Variants in CSRP1 observed in about 807,000 individuals in gnomAD.
The protein encoded by CSRP1 is cysteine and glycine rich protein 1.
A neutral mutation model predicts 25.4 loss-of-function variants in CSRP1; 16 were observed. That is an observed-to-expected ratio of 0.63 (90% CI 0.43 to 0.96). CSRP1 has a LOEUF of 0.96. CSRP1 is among the 40% of genes least tolerant of loss of function. The probability of loss-of-function intolerance (pLI) is 0.00; values close to 1 mark genes in which losing one functional copy is unlikely to be tolerated. For synonymous variants in CSRP1, 97 were observed against 95.3 expected, an observed-to-expected ratio of 1.02 and a Z score of -0.10; for missense variants, 212 against 243.6, an observed-to-expected ratio of 0.87 and a Z score of 0.86.
chr1:201,501,740 C>T (rs905913137), intron 1 of CSRP1, among the ~76,000 whole-genome samples: 3 of 152,182 alleles, frequency 2.0e-5, no homozygotes, highest in Non-Finnish European at 4.4e-5. Context: ...CGCCTGTAAT[C>T]CTTGCACTTT....
At chr1:201,486,952 T>A in intron 4 of CSRP1, 2 of 1,287,324 alleles carry the variant, frequency 1.6e-6, no homozygotes, top group Non-Finnish European at 1.0e-6. Context: ...ATAATATTAA[T>A]GTCTCCTGTT....
At position 201,490,272 on chromosome 1, in the gene CSRP1, T is replaced by A; in HGVS notation, c.185A>T (p.Tyr62Phe). Residue 62 changes from tyrosine to phenylalanine, a missense_variant, in exon 3 of 6, where the codon TAC (tyrosine) becomes TTC (phenylalanine). Coordinates refer to ENST00000340006, the MANE Select transcript of CSRP1 (RefSeq NM_004078.3). ...HGEEIYCKSC[Y>F]GKKYGPKGYG... Reference sequence around the variant, plus strand: ...GCCTTTGGGCCCATACTTCTTGCCGTAGCAGGACTTGCAGTAAATCTCCTC... The same window carrying A: ...GCCTTTGGGCCCATACTTCTTGCCGAAGCAGGACTTGCAGTAAATCTCCTC... 1.2e-6 allele frequency: 2 copies of A among 1,614,156 alleles called. No individual in the cohort carries two copies. The highest frequency in any genetic ancestry group is 1.7e-6 in the Non-Finnish European group (2 of 1,180,018).
chr1:201,503,341 T>C (rs1000802074), intron 1 of CSRP1, among the ~76,000 whole-genome samples: 7 of 152,170 alleles, frequency 4.6e-5, no homozygotes, highest in Admixed American at 2.0e-4. Context: ...GTCTGAATGA[T>C]TTTTCTTTGA....
At chr1:201,489,887 G>A in intron 3 of CSRP1, 1 of 296,424 alleles carries the variant, frequency 3.4e-6, no homozygotes, top group Non-Finnish European at 6.3e-6. Context: ...AACAAAAAAA[G>A]AGGAAATTGG....
chr1:201,490,011 T>G, intron 3 of CSRP1, 165 bp downstream of exon 3: 1 of 644,690 alleles, frequency 1.6e-6, no homozygotes, highest in Non-Finnish European at 2.6e-6. Flanking sequence ...CCCCAGCTCC[T>G]GCAGCAGCCT....
In CSRP1 at chr1:201,499,079, C is replaced by G. The variant is rs375595099; in HGVS notation, c.-1-2775G>C. Reference sequence around the variant, plus strand: ...CGGCCTGAGCCCCCAGATCCAGGGACAGTCCCCATTCCCAGCCTCTGATGT... The same window carrying G: ...CGGCCTGAGCCCCCAGATCCAGGGAGAGTCCCCATTCCCAGCCTCTGATGT... On this transcript the variant is annotated intron_variant, in intron 1 of 5. Coordinates refer to ENST00000340006, the MANE Select transcript of CSRP1 (RefSeq NM_004078.3). Among the ~76,000 whole-genome samples the G allele has an allele frequency of 1.1e-3, 167 of 152,354 alleles. 3 individuals are homozygous for G. The South Asian group carries it at 0.033, about 30-fold the overall frequency.
intron 2 of CSRP1, chr1:201,492,426 A>G (rs577575607): frequency 1.3e-5 from 2 of 152,284 alleles, no homozygotes; most frequent in Middle Eastern, 3.3e-3. Flanking sequence ...ATATACTGAG[A>G]GACTCTGCAA....
At chr1:201,496,549 C>T (rs1156841947) in intron 1 of CSRP1, 4 of 541,574 alleles carry the variant, frequency 7.4e-6, no homozygotes, top group Non-Finnish European at 1.3e-5. Context: ...GCATTTTCAG[C>T]CCTGTGCTAG....
At chr1:201,498,959 G>A (rs1442538770) in intron 1 of CSRP1, among the ~76,000 whole-genome samples, 1 of 152,156 alleles carries the variant, frequency 6.6e-6, no homozygotes, top group Non-Finnish European at 1.5e-5. Context: ...TGGAGCAGCC[G>A]CACTTCCTCA....
chr1:201,488,781 A>C, intron 4 of CSRP1, 74 bp downstream of exon 4: 1 of 1,574,330 alleles, frequency 6.4e-7, no homozygotes, highest in South Asian at 1.2e-5. Flanking sequence ...TAGGTCACCA[A>C]TTTAAAAGTT....
At chr1:201,494,395 G>A (rs1664434797) in intron 2 of CSRP1, among the ~76,000 whole-genome samples, 1 of 152,184 alleles carries the variant, frequency 6.6e-6, no homozygotes, top group African/African-American at 2.4e-5. Flanking sequence ...TATTCCCTCT[G>A]GAAAGATAAA....
intron 4 of CSRP1, chr1:201,486,308 C>A: frequency 1.0e-6 from 1 of 977,352 alleles, no homozygotes; most frequent in Non-Finnish European, 1.2e-6. Context: ...CCATCAACAG[C>A]TGGGCAGGCT....
chr1:201,486,288 C>A (rs572094037), intron 4 of CSRP1: 2 of 949,780 alleles, frequency 2.1e-6, no homozygotes, highest in East Asian at 2.3e-4. Context: ...GACTTCTCCG[C>A]AGCCAGTTCC....
At chr1:201,491,498 C>T (rs1664337453) in intron 2 of CSRP1, 1 of 152,040 alleles carries the variant, frequency 6.6e-6, no homozygotes, top group Admixed American at 6.6e-5. Flanking sequence ...TGAGATCTGA[C>T]ATGTGAAGTA....
intron 1 of CSRP1, among the ~76,000 whole-genome samples, chr1:201,500,195 C>T (rs553239081): frequency 1.3e-5 from 2 of 152,340 alleles, no homozygotes; most frequent in South Asian, 4.1e-4. Context: ...CCTTTTCCAA[C>T]CCCCTGAACC....
intron 2 of CSRP1, chr1:201,491,877 C>T (rs139363155): frequency 1.3e-5 from 2 of 152,408 alleles, no homozygotes; most frequent in Non-Finnish European, 2.9e-5. Flanking sequence ...CATCCTCTTG[C>T]CTTTAAAGGG....
Position 201,484,044 on chromosome 1 carries a change from C to A in CSRP1, c.*669G>T, listed in dbSNP as rs1664053328. 2.9e-6 allele frequency: 2 copies of A among 696,658 alleles called. No individual in the cohort carries two copies. The highest frequency in any genetic ancestry group is 5.3e-6 in the Non-Finnish European group (2 of 380,348). The allele number at this position is 696,658 out of a possible 1,614,324, so 43.2% of individuals were successfully genotyped here. ...GATGTTTGAGAAGATCAAACAACAT[C>A]CTGACTTTGGGGTCCTTAAGACCTG... is the stretch of plus-strand genomic sequence containing the variant. On this transcript the variant is annotated 3_prime_UTR_variant, in exon 6 of 6. Transcript: ENST00000340006.
intron 2 of CSRP1, among the ~76,000 whole-genome samples, chr1:201,494,045 AC>A (rs958954076): frequency 1.3e-5 from 2 of 151,976 alleles, no homozygotes; most frequent in Non-Finnish European, 2.9e-5. Context: ...CCCTAGCGTG[AC>A]CTGAGACTGC....
At chr1:201,497,050 T>A (rs190920174) in intron 1 of CSRP1, among the ~76,000 whole-genome samples, 19 of 152,306 alleles carry the variant, frequency 1.2e-4, no homozygotes, top group Admixed American at 1.0e-3. Context: ...TTTTGTTTTG[T>A]TTTGTTTTTT....
Sources: allele counts gnomAD v4.1 joint callset (sites outside exome capture counted in the v4.1 genomes callset), GRCh38; gene constraint gnomAD v4.1.1; transcripts MANE v1.5; gene names NCBI Gene and HGNC (gene_info 2026-07-23, HGNC 2026-07-21).